UGT1A4: variants seen among roughly 807,000 people sequenced by gnomAD.
UGT1A4 encodes UDP-glucuronosyltransferase 1A4.
In UGT1A4, 32 loss-of-function variants were observed where a neutral mutation model predicts 41.1. The observed-to-expected ratio is 0.78, with a 90% CI of 0.59 to 1.05. The LOEUF (loss-of-function observed/expected upper bound fraction) is 1.05, where lower values mean the gene tolerates loss of function less well. Ranked by LOEUF, UGT1A4 falls within the 50% of genes least tolerant of loss-of-function variation. The probability of loss-of-function intolerance (pLI) is 0.00; values close to 1 mark genes in which losing one functional copy is unlikely to be tolerated. For synonymous variants in UGT1A4, 283 were observed against 265.1 expected (o/e 1.07, Z -0.66); for missense variants, 748 against 677.4 (o/e 1.10, Z -1.16).
chr2:233,767,002 A>C, intron 1 of UGT1A4, 32 bp from the exon 2 acceptor site: 2 of 1,613,784 alleles, frequency 1.2e-6, no homozygotes, highest in Non-Finnish European at 1.7e-6. Flanking sequence ...ATATGAGAAA[A>C]AATTAACTGA....
At chr2:233,734,694 A>G (rs1291043334) in intron 1 of UGT1A4, among the ~76,000 whole-genome samples, 5 of 149,240 alleles carry the variant, frequency 3.4e-5, no homozygotes, top group Non-Finnish European at 7.3e-5. Flanking sequence ...AATGTGTCCC[A>G]GAGATTCTGG....
At chr2:233,724,339 G>GA in intron 1 of UGT1A4, among the ~76,000 whole-genome samples, 1 of 142,786 alleles carries the variant, frequency 7.0e-6, no homozygotes, top group East Asian at 2.2e-4. Context: ...GCGGGGGGCT[G>GA]ACCCCCCCCA....
intron 4 of UGT1A4, 116 bp downstream of exon 4, chr2:233,768,555 A>C: frequency 6.8e-7 from 1 of 1,474,628 alleles, no homozygotes; most frequent in African/African-American, 1.4e-5. Flanking sequence ...AAAAACAAAT[A>C]CATAAAAATC....
rs1447098381 is a variant in UGT1A4 at position 233,718,854 on chromosome 2, C to G, written c.34C>G (p.Leu12Val). 1.9e-6 allele frequency: 3 copies of G among 1,613,744 alleles called. 1 individual carries two copies. Among genetic ancestry groups the G allele is most frequent in the South Asian group, 2.2e-5 (2 of 91,050 alleles). The change falls in exon 1 of 5, where the codon CTG (leucine) becomes GTG (valine). Residue 12 changes from leucine (L) to valine (V), a missense_variant. Physicochemically the swap from Leu to Val is conservative, Grantham distance 32. Transcript: ENST00000373409. ...AGGACTCCAGGTTCCCCTGCCGCGG[C>G]TGGCCACAGGACTGCTGCTCCTCCT... Reference protein sequence around the residue: ...ARGLQVPLPRLATGLLLLLSV... With the variant: ...ARGLQVPLPRVATGLLLLLSV...
At chr2:233,729,152 T>C (rs749302324) in intron 1 of UGT1A4, 3 of 1,613,556 alleles carry the variant, frequency 1.9e-6, no homozygotes, top group Non-Finnish European at 2.5e-6. Flanking sequence ...CAGGTTCCCC[T>C]GCCGTGGCTG....
At chr2:233,726,665 C>A (rs560065117) in intron 1 of UGT1A4, among the ~76,000 whole-genome samples, 2 of 152,280 alleles carry the variant, frequency 1.3e-5, no homozygotes, top group East Asian at 3.9e-4. Flanking sequence ...TTAATCATAT[C>A]TGTGAAGTCT....
At chr2:233,762,024 A>AT (rs967311965) in intron 1 of UGT1A4, among the ~76,000 whole-genome samples, 3 of 151,856 alleles carry the variant, frequency 2.0e-5, no homozygotes, top group African/African-American at 4.8e-5. Context: ...TTTGTATTTT[A>AT]TTTTTTTTAA....
chr2:233,755,324 A>G lies in UGT1A4; in HGVS notation c.868-11710A>G, dbSNP rs539104570. On this transcript the variant is annotated intron_variant, in intron 1 of 4. Transcript: ENST00000373409. Reference sequence around the variant, plus strand: ...TGGCACAGCGAGCGGCAAGGCTGCCAGCACCCGCGCACAGGTCAGAGGCTT... The same window carrying G: ...TGGCACAGCGAGCGGCAAGGCTGCCGGCACCCGCGCACAGGTCAGAGGCTT... 5.9e-4 allele frequency: 289 copies of G among 488,866 alleles called. 2 individuals are homozygous for G. The highest frequency in any genetic ancestry group is 5.4e-3 in the African/African-American group (267 of 49,540). The allele number at this position is 488,866 out of a possible 1,614,324, so 30.3% of individuals were successfully genotyped here.
rs1263379860 is a variant in UGT1A4 at position 233,724,980 on chromosome 2, C to T, written c.867+5293C>T. 2.1e-5 allele frequency among the ~76,000 whole-genome samples: 3 copies of T among 144,408 alleles called. 1 individual carries two copies. Among genetic ancestry groups the T allele is most frequent in the East Asian group, 2.1e-4 (1 of 4,756 alleles). The allele number at this position is 144,408 out of a possible 152,430, so 94.7% of individuals were successfully genotyped here. Reference sequence around the variant, plus strand: ...GGGAGGCCGAGGTTGGCGGATCACTCGCGGTTAGGGGCTGGAGACCGGCCC... The same window carrying T: ...GGGAGGCCGAGGTTGGCGGATCACTTGCGGTTAGGGGCTGGAGACCGGCCC... On this transcript the variant is annotated intron_variant, in intron 1 of 4. Transcript: ENST00000373409.
intron 1 of UGT1A4, chr2:233,740,675 C>T (rs946709661): frequency 1.3e-5 from 2 of 151,760 alleles, no homozygotes; most frequent in African/African-American, 2.4e-5. Flanking sequence ...CAGGTGTTTC[C>T]ATGGAGGGTG....
In UGT1A4 at chr2:233,718,953, C is replaced by A. The variant is rs369434904; in HGVS notation, c.133C>A (p.Arg45=). 2 of 1,614,166 alleles carry A rather than the reference C, an allele frequency of 1.2e-6. No homozygotes were observed. The highest frequency in any genetic ancestry group is 4.5e-5 in the East Asian group (2 of 44,874). ...PTDGSPWLSM[R]EALRELHARG... Reference sequence around the variant, plus strand: ...TGATGGCAGCCCCTGGCTCAGCATGCGGGAGGCCTTGCGGGAGCTCCATGC... The same window carrying A: ...TGATGGCAGCCCCTGGCTCAGCATGAGGGAGGCCTTGCGGGAGCTCCATGC... The change falls in exon 1 of 5, where the codon CGG becomes AGG. Residue 45 remains arginine (R), a synonymous_variant. Coordinates refer to ENST00000373409, the MANE Select transcript of UGT1A4 (RefSeq NM_007120.3).
At chr2:233,753,865 C>G (rs560460253) in intron 1 of UGT1A4, among the ~76,000 whole-genome samples, 1 of 152,212 alleles carries the variant, frequency 6.6e-6, no homozygotes. Context: ...CACATAACCC[C>G]AAGGTCTGTC....
chr2:233,772,509 T>C lies in UGT1A4; in HGVS notation c.1555T>C (p.Leu519=). 1.9e-6 allele frequency: 3 copies of C among 1,614,170 alleles called. No individual in the cohort carries two copies. Among genetic ancestry groups the C allele is most frequent in the Middle Eastern group, 1.6e-4 (1 of 6,062 alleles). ...TTGTGCTTATGGCTACCGGAAATGC[T>C]TGGGGAAAAAAGGGCGAGTTAAGAA... The part of the protein sequence containing the change: ...KCCAYGYRKC[L]GKKGRVKKAH... Residue 519 remains leucine, a synonymous_variant, in exon 5 of 5, where the codon TTG becomes CTG. Transcript: ENST00000373409.
rs897493139 is a variant in UGT1A4, at chr2:233,718,976, T to C, written c.156T>C (p.His52=). ...TGCGGGAGGCCTTGCGGGAGCTCCATGCCAGAGGCCACCAGGCGGTGGTCC... is the reference window on the plus strand; with the variant it reads ...TGCGGGAGGCCTTGCGGGAGCTCCACGCCAGAGGCCACCAGGCGGTGGTCC... The part of the protein sequence containing the change: ...LSMREALREL[H]ARGHQAVVLT... The change falls in exon 1 of 5, where the codon CAT becomes CAC. Residue 52 remains histidine (H), a synonymous_variant. Coordinates refer to ENST00000373409, the MANE Select transcript of UGT1A4 (RefSeq NM_007120.3). 8 of 1,614,114 alleles carry C rather than the reference T, an allele frequency of 5.0e-6. No individual in the cohort carries two copies. In the Admixed American group the frequency reaches 1.3e-4, roughly 27 times the overall value.
At position 233,718,969 on chromosome 2, in the gene UGT1A4, A is replaced by G. The variant is rs2076707871; in HGVS notation, c.149A>G (p.Glu50Gly). ...CTCAGCATGCGGGAGGCCTTGCGGG[A>G]GCTCCATGCCAGAGGCCACCAGGCG... ...PWLSMREALR[E>G]LHARGHQAVV... Residue 50 changes from glutamate (E) to glycine (G), a missense_variant, in exon 1 of 5, where the codon GAG becomes GGG. Glu to Gly is a moderately conservative substitution (Grantham distance 98). Transcript: ENST00000373409. 2.5e-6 allele frequency: 4 copies of G among 1,614,166 alleles called. No individual in the cohort carries two copies. Among genetic ancestry groups the G allele is most frequent in the Non-Finnish European group, 3.4e-6 (4 of 1,180,022 alleles).
rs780815803 is a variant in UGT1A4 at position 233,719,362 on chromosome 2, A to G, written c.542A>G (p.Asp181Gly). 2.4e-5 allele frequency: 39 copies of G among 1,613,708 alleles called. No homozygotes were observed. The highest frequency in any genetic ancestry group is 3.1e-5 in the Non-Finnish European group (36 of 1,179,870). The change falls in exon 1 of 5, where the codon GAC (aspartate) becomes GGC (glycine). Residue 181 changes from aspartate to glycine, a missense_variant. Transcript: ENST00000373409. ...TGGAGGTACATTCCATGTGACTTAG[A>G]CTTTAAGGGCACACAGTGTCCAAAT... ...FFWRYIPCDL[D>G]FKGTQCPNPS...
chr2:233,757,888 A>G (rs182101094), intron 1 of UGT1A4, among the ~76,000 whole-genome samples: 97 of 152,124 alleles, frequency 6.4e-4, no homozygotes, highest in African/African-American at 2.1e-3. Flanking sequence ...GGGTTCCAGA[A>G]ACACTTTCCA....
At chr2:233,721,695 A>G (rs928458069) in intron 1 of UGT1A4, 3 of 356,024 alleles carry the variant, frequency 8.4e-6, no homozygotes, top group African/African-American at 6.4e-5. Context: ...TGCAAGACGC[A>G]TGGCTCATCT....
At chr2:233,743,218 T>C in intron 1 of UGT1A4, 1 of 410,544 alleles carries the variant, frequency 2.4e-6, no homozygotes. Flanking sequence ...GTAACTGCTC[T>C]TTGCTATTTA....
Sources: allele counts gnomAD v4.1 joint callset (sites outside exome capture counted in the v4.1 genomes callset), GRCh38; gene constraint gnomAD v4.1.1; transcripts MANE v1.5; gene names NCBI Gene and HGNC (gene_info 2026-07-23, HGNC 2026-07-21).